Variants in CYP4F11 observed in about 807,000 individuals in gnomAD.
CYP4F11 encodes the protein cytochrome P450 4F11.
In CYP4F11, 79 loss-of-function variants were observed where a neutral mutation model predicts 62.2. The ratio of observed to expected loss-of-function variants is 1.27; its 90% CI spans 1.06 to 1.53. The LOEUF (loss-of-function observed/expected upper bound fraction) is 1.53. CYP4F11 is among the 40% of genes most tolerant of loss of function. The pLI is 0.00. For missense variants in CYP4F11, 777 were observed against 680.5 expected (o/e 1.14, Z -1.58); for synonymous variants, 290 against 263.7 (o/e 1.10, Z -0.97).
At chr19:15,929,114 C>T (rs1400410688) in intron 2 of CYP4F11, among the ~76,000 whole-genome samples, 1 of 152,188 alleles carries the variant, frequency 6.6e-6, no homozygotes, top group Non-Finnish European at 1.5e-5. Flanking sequence ...GTTGTCACAC[C>T]CATCTCCTTC....
intron 5 of CYP4F11, 23 bp from the exon 6 acceptor site, chr19:15,924,105 T>A: frequency 6.2e-7 from 1 of 1,606,762 alleles, no homozygotes; most frequent in Non-Finnish European, 8.5e-7. Flanking sequence ...GGTAACAACT[T>A]AACATATGCA....
At chr19:15,924,967 G>C (rs2089657975) in intron 4 of CYP4F11, 85 bp from the exon 5 acceptor site, 1 of 1,443,730 alleles carries the variant, frequency 6.9e-7, no homozygotes, top group African/African-American at 1.4e-5. Flanking sequence ...TGGACTCCCT[G>C]CAATCATCCT....
At chr19:15,926,797 C>T (rs1568484545) in intron 4 of CYP4F11, among the ~76,000 whole-genome samples, 1 of 152,086 alleles carries the variant, frequency 6.6e-6, no homozygotes. Flanking sequence ...CCCACATGAC[C>T]CACAGCTGTT....
At chr19:15,926,192 G>C (rs11880314) in intron 4 of CYP4F11, among the ~76,000 whole-genome samples, 3,002 of 151,128 alleles carry the variant, frequency 0.02, 101 homozygotes, top group African/African-American at 0.068. Flanking sequence ...GATTCCCTAA[G>C]CCTAGTGCTC....
At chr19:15,928,883 A>G (rs1258009572) in intron 2 of CYP4F11, among the ~76,000 whole-genome samples, 1 of 152,200 alleles carries the variant, frequency 6.6e-6, no homozygotes, top group Non-Finnish European at 1.5e-5. Flanking sequence ...TGAACATCAC[A>G]TAAATAGCAG....
chr19:15,927,374 G>A (rs1948873355), intron 3 of CYP4F11, 35 bp from the exon 4 acceptor site: 1 of 1,613,826 alleles, frequency 6.2e-7, no homozygotes, highest in Non-Finnish European at 8.5e-7. Flanking sequence ...GTCAAGGGCA[G>A]CACCCTCCCT....
intron 1 of CYP4F11, 50 bp from the exon 2 acceptor site, chr19:15,929,651 A>T (rs7247076): frequency 2.0e-6 from 3 of 1,525,754 alleles, no homozygotes; most frequent in Non-Finnish European, 1.8e-6. Flanking sequence ...AATTCTAGGC[A>T]TCCTGAATTA....
chr19:15,919,210 AATT>A (rs1347215965), intron 8 of CYP4F11, among the ~76,000 whole-genome samples: 1 of 148,078 alleles, frequency 6.8e-6, no homozygotes, highest in Non-Finnish European at 1.5e-5. Context: ...ATTGACTCCT[AATT>A]ATTAAATTAA....
chr19:15,922,657 A>G (rs1194225524), intron 6 of CYP4F11, among the ~76,000 whole-genome samples: 1 of 152,144 alleles, frequency 6.6e-6, no homozygotes, highest in Admixed American at 6.5e-5. Context: ...TCAATGACCT[A>G]TGGATATTTT....
Position 15,924,902 on chromosome 19 carries a change from A to C in CYP4F11, c.526-20T>G. ...CTTGTCCTGGCCAGAGAAAAAACAG[A>C]GCCAAAGCTGGGAACTGCCTCCTGG... On this transcript the variant is annotated intron_variant, in intron 4 of 11. Coordinates refer to ENST00000402119, the MANE Select transcript of CYP4F11 (RefSeq NM_021187.4). 6.2e-7 allele frequency: 1 copy of C among 1,601,140 alleles called. No individual in the cohort carries two copies. The highest frequency in any genetic ancestry group is 8.5e-7 in the Non-Finnish European group (1 of 1,172,970).
At chr19:15,920,057 A>T (rs1481907097) in intron 8 of CYP4F11, among the ~76,000 whole-genome samples, 1 of 152,242 alleles carries the variant, frequency 6.6e-6, no homozygotes, top group Non-Finnish European at 1.5e-5. Context: ...AAACGGCTAA[A>T]AGAGAAAATT....
At chr19:15,927,539 G>T (rs1452890006) in intron 2 of CYP4F11, 56 bp from the exon 3 acceptor site, 5 of 1,608,226 alleles carry the variant, frequency 3.1e-6, no homozygotes, top group Middle Eastern at 1.7e-4. Context: ...AAGGACTTTG[G>T]GTATGGAGGA....
At position 15,914,363 on chromosome 19, in the gene CYP4F11, G is replaced by A. The variant is rs1273950798; in HGVS notation, c.1339C>T (p.Gln447Ter). The change falls in exon 11 of 12, where the codon CAA becomes TAA. Residue 447 changes from glutamine (Q) to a stop codon, truncating the protein, a stop_gained. Coordinates refer to ENST00000402119, the MANE Select transcript of CYP4F11 (RefSeq NM_021187.4). LOFTEE classifies it high-confidence loss of function. ...PEVYDPFRFDQENIKERSPLA... is the reference protein window; with the variant it reads ...PEVYDPFRFD ...GGTGACCTCTCCTTGATGTTCTCTT[G>A]GTCGAAACGGAAGGGGTCGTAGACC... The A allele has an allele frequency of 1.2e-6, 2 of 1,613,956 alleles. No homozygotes were observed. The highest frequency in any genetic ancestry group is 1.7e-6 in the Non-Finnish European group (2 of 1,179,996).
At chr19:15,928,963 G>T (rs2089689848) in intron 2 of CYP4F11, among the ~76,000 whole-genome samples, 1 of 152,178 alleles carries the variant, frequency 6.6e-6, no homozygotes, top group Admixed American at 6.5e-5. Flanking sequence ...CTGATGCCAG[G>T]CCTGGCAGCG....
intron 4 of CYP4F11, among the ~76,000 whole-genome samples, chr19:15,926,405 C>CT (rs1223014000): frequency 6.6e-6 from 1 of 152,166 alleles, no homozygotes; most frequent in African/African-American, 2.4e-5. Flanking sequence ...ACAAAACTAG[C>CT]TTATCAGCTT....
chr19:15,931,309 C>T (rs928486494), intron 1 of CYP4F11, among the ~76,000 whole-genome samples: 4 of 151,736 alleles, frequency 2.6e-5, no homozygotes, highest in African/African-American at 9.7e-5. Context: ...AGCAAATGGG[C>T]CAGGCAGGGA....
At chr19:15,923,761 A>T in intron 6 of CYP4F11, 51 bp downstream of exon 6, 2 of 1,567,438 alleles carry the variant, frequency 1.3e-6, no homozygotes, top group Middle Eastern at 1.7e-4. Flanking sequence ...CATTTGACAG[A>T]GGCATAAATC....
intron 8 of CYP4F11, among the ~76,000 whole-genome samples, chr19:15,920,750 C>T (rs1298613925): frequency 1.3e-5 from 2 of 152,136 alleles, no homozygotes; most frequent in Non-Finnish European, 1.5e-5. Flanking sequence ...CTACCTGTCT[C>T]TTCCCATTGC....
chr19:15,915,531 C>T (rs2089577356), intron 8 of CYP4F11, among the ~76,000 whole-genome samples: 1 of 152,156 alleles, frequency 6.6e-6, no homozygotes, highest in African/African-American at 2.4e-5. Context: ...CCCTATGGCC[C>T]AAAGTCACCT....
Sources: gnomAD v4.1 joint callset for allele counts (sites outside exome capture counted in the v4.1 genomes callset) on GRCh38, gnomAD v4.1.1 for gene constraint, MANE v1.5 for transcripts, NCBI Gene and HGNC (gene_info 2026-07-23, HGNC 2026-07-21) for gene names.